ESR1: variants seen among roughly 807,000 people sequenced by gnomAD.
The protein encoded by ESR1 is estrogen receptor.
Under a neutral mutation model 52.7 loss-of-function variants are expected in ESR1, and 12 were observed. The observed-to-expected ratio is 0.23, with a 90% CI of 0.15 to 0.37. The LOEUF is 0.37. Among genes scored for constraint, ESR1 ranks in the 10% least tolerant of loss-of-function variants. ESR1 has a pLI of 1.00. For missense variants in ESR1, 584 were observed against 779.7 expected, an observed-to-expected ratio of 0.75 and a Z score of 2.99; for synonymous variants, 305 against 316.8, an observed-to-expected ratio of 0.96 and a Z score of 0.39.
chr6:152,115,101 CAT>C (rs61563440), intron 6 of ESR1, among the ~76,000 whole-genome samples: 7,499 of 152,166 alleles, frequency 0.049, 200 homozygotes, highest in East Asian at 0.075. Flanking sequence ...TTATATTTCA[CAT>C]GTCTCTCCAA....
intron 1 of ESR1, among the ~76,000 whole-genome samples, chr6:151,841,724 T>C (rs1354920551): frequency 1.3e-5 from 2 of 151,666 alleles, no homozygotes; most frequent in Non-Finnish European, 2.9e-5. Flanking sequence ...CTTTCTACAT[T>C]TTTTTTTTCT....
chr6:152,091,298 A>C lies in ESR1; in HGVS notation c.1370-3087A>C, dbSNP rs148782713. 1.7e-3 allele frequency among the ~76,000 whole-genome samples: 253 copies of C among 152,336 alleles called. 1 individual carries two copies. The highest frequency in any genetic ancestry group is 0.014 in the Middle Eastern group (4 of 294). ...AAGAAGATGGCTGCTGTTGTCAACTATTGGCATTTCAACAGGACCTATTTT... is the reference window on the plus strand; with the variant it reads ...AAGAAGATGGCTGCTGTTGTCAACTCTTGGCATTTCAACAGGACCTATTTT... On this transcript the variant is annotated intron_variant, in intron 6 of 7. Coordinates refer to ENST00000206249, the MANE Select transcript of ESR1 (RefSeq NM_000125.4).
intron 2 of ESR1, among the ~76,000 whole-genome samples, chr6:151,769,078 CT>C (rs1785295578): frequency 6.6e-6 from 1 of 152,156 alleles, no homozygotes. Flanking sequence ...CCTGCAGATC[CT>C]GGAACATTTT....
At chr6:151,997,902 G>C (rs891563950) in intron 4 of ESR1, among the ~76,000 whole-genome samples, 1 of 152,100 alleles carries the variant, frequency 6.6e-6, no homozygotes, top group African/African-American at 2.4e-5. Flanking sequence ...GGAAAGCCAC[G>C]GGGAGGGAAA....
At chr6:151,823,726 G>GT (rs1239090058) in intron 1 of ESR1, among the ~76,000 whole-genome samples, 7 of 152,058 alleles carry the variant, frequency 4.6e-5, no homozygotes, top group Non-Finnish European at 1.0e-4. Context: ...GCGGTGTTTG[G>GT]TTTTTTGTCC....
intron 1 of ESR1, among the ~76,000 whole-genome samples, chr6:151,829,479 C>T (rs1462826669): frequency 1.3e-5 from 2 of 152,182 alleles, no homozygotes; most frequent in African/African-American, 4.8e-5. Context: ...CTATCACTGA[C>T]AGCTTCCTCT....
At chr6:151,938,210 T>A (rs1339211923) in intron 3 of ESR1, among the ~76,000 whole-genome samples, 2 of 152,162 alleles carry the variant, frequency 1.3e-5, no homozygotes, top group Non-Finnish European at 2.9e-5. Flanking sequence ...TATACTAGTT[T>A]TTTTTCTGGA....
At chr6:151,903,922 G>A (rs1350171687) in intron 3 of ESR1, among the ~76,000 whole-genome samples, 2 of 152,314 alleles carry the variant, frequency 1.3e-5, no homozygotes, top group East Asian at 3.9e-4. Context: ...GGTAGAGACA[G>A]TCACATTGCT....
chr6:152,081,946 A>T lies in ESR1; in HGVS notation c.1370-12439A>T, dbSNP rs147939948. Among the ~76,000 whole-genome samples the T allele has an allele frequency of 3.1e-3, 475 of 152,314 alleles. 1 individual carries two copies. Among genetic ancestry groups the T allele is most frequent in the African/African-American group, 0.011 (455 of 41,582 alleles). The stretch of plus-strand genomic sequence containing the variant: ...CCAGGAAGAAGTTGAATCTCTGAAG[A>T]CACCAATAACAGGTACTGAACCAAG... On this transcript the variant is annotated intron_variant, in intron 6 of 7. Coordinates refer to ENST00000206249, the MANE Select transcript of ESR1 (RefSeq NM_000125.4).
intron 2 of ESR1, among the ~76,000 whole-genome samples, chr6:151,705,009 C>T (rs1780081138): frequency 6.6e-6 from 1 of 151,574 alleles, no homozygotes; most frequent in Non-Finnish European, 1.5e-5. Flanking sequence ...GGAAGGATCT[C>T]TTCCCATAGG....
At chr6:152,011,922 A>G (rs957849736) in intron 5 of ESR1, 128 bp downstream of exon 5, 1 of 1,004,680 alleles carries the variant, frequency 1.0e-6, no homozygotes, top group South Asian at 1.4e-5. Context: ...TTAACAAAAG[A>G]GTGCATTGGG....
intron 5 of ESR1, among the ~76,000 whole-genome samples, chr6:152,058,945 T>C (rs2128950741): frequency 6.6e-6 from 1 of 152,090 alleles, no homozygotes; most frequent in African/African-American, 2.4e-5. Context: ...ATGCTAATCT[T>C]AGAGGTCACT....
At chr6:151,842,826 A>T (rs1420243908) in intron 2 of ESR1, 39 bp downstream of exon 2, 1 of 1,585,664 alleles carries the variant, frequency 6.3e-7, no homozygotes, top group Admixed American at 1.7e-5. Context: ...TTTTGATCCT[A>T]TGAGCAGATC....
At chr6:151,847,620 A>G (rs1409369095) in intron 2 of ESR1, among the ~76,000 whole-genome samples, 23 of 134,332 alleles carry the variant, frequency 1.7e-4, no homozygotes, top group Non-Finnish European at 3.3e-4. Flanking sequence ...GTTTGAGTTC[A>G]TTGTAGATTC....
intron 6 of ESR1, among the ~76,000 whole-genome samples, chr6:152,109,647 T>C (rs1562795350): frequency 1.3e-5 from 2 of 152,146 alleles, no homozygotes; most frequent in East Asian, 1.9e-4. Flanking sequence ...GATTGTGCCA[T>C]TGCACTCCAG....
At chr6:151,901,069 A>G (rs1796598230) in intron 3 of ESR1, among the ~76,000 whole-genome samples, 2 of 152,140 alleles carry the variant, frequency 1.3e-5, no homozygotes, top group Admixed American at 1.3e-4. Context: ...CAGGTGGGGC[A>G]AGGCTAGGAC....
At chr6:151,732,528 G>T (rs1219104701) in intron 2 of ESR1, among the ~76,000 whole-genome samples, 1 of 141,498 alleles carries the variant, frequency 7.1e-6, no homozygotes, top group African/African-American at 2.9e-5. Flanking sequence ...GTGTATGTGT[G>T]TGTGTTTGTG....
chr6:152,068,752 A>G (rs764444558), intron 6 of ESR1, among the ~76,000 whole-genome samples: 1 of 152,216 alleles, frequency 6.6e-6, no homozygotes. Flanking sequence ...GGCATCGACA[A>G]TTGAATTTCC....
chr6:151,849,077 C>T (rs1393641249), intron 2 of ESR1, among the ~76,000 whole-genome samples: 1 of 152,112 alleles, frequency 6.6e-6, no homozygotes, highest in Non-Finnish European at 1.5e-5. Context: ...TCTTGTCATT[C>T]AGATTCTGCC....
Sources: allele counts gnomAD v4.1 joint callset (sites outside exome capture counted in the v4.1 genomes callset), GRCh38; gene constraint gnomAD v4.1.1; transcripts MANE v1.5; gene names NCBI Gene and HGNC (gene_info 2026-07-23, HGNC 2026-07-21).